CA10: variants seen among roughly 807,000 people sequenced by gnomAD.
CA10 encodes carbonic anhydrase 10 (inactive).
A neutral mutation model predicts 44.2 loss-of-function variants in CA10; 14 were observed. That is an observed-to-expected ratio of 0.32 (90% CI 0.21 to 0.50). The LOEUF (loss-of-function observed/expected upper bound fraction) is 0.50, where lower values mean the gene tolerates loss of function less well. Ranked by LOEUF, CA10 falls within the 20% of genes least tolerant of loss-of-function variation. The pLI, the probability that CA10 is intolerant of heterozygous loss-of-function variation, is 0.99. For synonymous variants in CA10, 159 were observed against 141.6 expected, an observed-to-expected ratio of 1.12 and a Z score of -0.87; for missense variants, 350 against 409.7, an observed-to-expected ratio of 0.85 and a Z score of 1.26.
Position 52,158,291 on chromosome 17 carries a change from G to A in CA10, c.-505C>T. ...GCTGGCTAAGCCCAGGCAGTCCGCG[G>A]CAAGTTGCCCTCGAAGTCCGCCCCC... On this transcript the variant is annotated 5_prime_UTR_variant, in exon 1 of 9. Coordinates refer to ENST00000451037, the MANE Select transcript of CA10 (RefSeq NM_020178.5). The A allele has an allele frequency of 4.9e-6, 1 of 205,988 alleles. No individual in the cohort carries two copies. Among genetic ancestry groups the A allele is most frequent in the Non-Finnish European group, 9.9e-6 (1 of 100,760 alleles). The allele number at this position is 205,988 out of a possible 1,614,324, so 12.8% of individuals were successfully genotyped here.
intron 2 of CA10, among the ~76,000 whole-genome samples, chr17:52,068,915 AT>A (rs563002172): frequency 8.5e-4 from 130 of 152,260 alleles, no homozygotes; most frequent in African/African-American, 3.0e-3. Context: ...ACAGTGAGAG[AT>A]TTATTTAAGA....
chr17:52,137,636 G>A (rs761260412), intron 1 of CA10, among the ~76,000 whole-genome samples: 1 of 152,006 alleles, frequency 6.6e-6, no homozygotes, highest in African/African-American at 2.4e-5. Flanking sequence ...CACAGTGCTT[G>A]GCACTCAGCT....
rs372533046 is a variant in CA10 at position 52,026,160 on chromosome 17, G to A, written c.136+46159C>T. Among the ~76,000 whole-genome samples the A allele has an allele frequency of 2.0e-4, 31 of 152,234 alleles. 2 individuals carry two copies. The South Asian group carries it at 6.2e-3, about 31-fold the overall frequency. ...TGTCCCAGTGAAGACAGAGGAAATT[G>A]TCTAAGAAAGCCAAAGGGTCTTCCA... On this transcript the variant is annotated intron_variant, in intron 2 of 8. Transcript: ENST00000451037.
intron 3 of CA10, among the ~76,000 whole-genome samples, chr17:51,916,294 C>T (rs1653551642): frequency 6.6e-6 from 1 of 152,182 alleles, no homozygotes; most frequent in Non-Finnish European, 1.5e-5. Flanking sequence ...TATATGCCAT[C>T]CTTATCATTG....
At chr17:51,731,827 A>G (rs1199627678) in intron 4 of CA10, among the ~76,000 whole-genome samples, 1 of 151,808 alleles carries the variant, frequency 6.6e-6, no homozygotes, top group Non-Finnish European at 1.5e-5. Context: ...ACAGACACCC[A>G]CCACCACACC....
At chr17:51,980,407 T>C (rs1271428058) in intron 2 of CA10, among the ~76,000 whole-genome samples, 4 of 152,122 alleles carry the variant, frequency 2.6e-5, no homozygotes, top group Non-Finnish European at 5.9e-5. Context: ...AAGTTCCTTA[T>C]ATATATTGGG....
At chr17:51,708,491 T>C (rs564560363) in intron 4 of CA10, among the ~76,000 whole-genome samples, 10 of 152,224 alleles carry the variant, frequency 6.6e-5, no homozygotes, top group Non-Finnish European at 1.5e-4. Flanking sequence ...TTTCCCCAGG[T>C]GTGCTGAGTG....
chr17:51,906,052 G>C (rs1200867100), intron 3 of CA10, among the ~76,000 whole-genome samples: 1 of 152,082 alleles, frequency 6.6e-6, no homozygotes, highest in African/African-American at 2.4e-5. Context: ...CACCTACAGA[G>C]ACTCTGTCTT....
chr17:51,836,554 A>T (rs529546789), intron 3 of CA10, among the ~76,000 whole-genome samples: 202 of 152,200 alleles, frequency 1.3e-3, no homozygotes, highest in African/African-American at 4.6e-3. Context: ...TCTTTCCCCC[A>T]CTCGCCTGTG....
intron 4 of CA10, among the ~76,000 whole-genome samples, chr17:51,687,619 T>C (rs1271501839): frequency 6.6e-6 from 1 of 152,214 alleles, no homozygotes; most frequent in African/African-American, 2.4e-5. Context: ...GTCAAGTTTT[T>C]GTCAATCCAT....
At chr17:52,089,055 G>T (rs189172810) in intron 1 of CA10, among the ~76,000 whole-genome samples, 3 of 152,204 alleles carry the variant, frequency 2.0e-5, no homozygotes, top group African/African-American at 7.2e-5. Context: ...ACTTCCTTTG[G>T]AACAGGCAGG....
At chr17:51,908,816 G>A (rs1266374788) in intron 3 of CA10, among the ~76,000 whole-genome samples, 2 of 152,152 alleles carry the variant, frequency 1.3e-5, no homozygotes, top group Non-Finnish European at 2.9e-5. Flanking sequence ...ATATTCCAGT[G>A]ATGTATTTAG....
intron 1 of CA10, among the ~76,000 whole-genome samples, chr17:52,135,547 T>C (rs557355773): frequency 1.4e-4 from 21 of 152,194 alleles, no homozygotes; most frequent in Non-Finnish European, 2.4e-4. Flanking sequence ...TTATTAAATA[T>C]GTATATTTGG....
chr17:51,744,862 T>C (rs915899340), intron 4 of CA10, among the ~76,000 whole-genome samples: 4 of 152,182 alleles, frequency 2.6e-5, no homozygotes, highest in Non-Finnish European at 5.9e-5. Context: ...TCGCACTACT[T>C]TGCATATAGC....
At chr17:52,095,347 T>TG (rs1201722104) in intron 1 of CA10, among the ~76,000 whole-genome samples, 1 of 152,086 alleles carries the variant, frequency 6.6e-6, no homozygotes, top group East Asian at 1.9e-4. Context: ...TGGGAAGGGA[T>TG]GGGGGTGAAC....
intron 2 of CA10, among the ~76,000 whole-genome samples, chr17:52,040,622 A>C (rs1986742363): frequency 6.6e-6 from 1 of 152,038 alleles, no homozygotes; most frequent in African/African-American, 2.4e-5. Context: ...AAACAAGATG[A>C]CCCTTATAAA....
At position 51,631,426 on chromosome 17, in the gene CA10, G is replaced by A; in HGVS notation, c.*158C>T. ...TGTGAGAGATGTATTCCTCTGCCATGGTTTTGCAGACACTTTTCATGAAGA... is the reference window on the plus strand; with the variant it reads ...TGTGAGAGATGTATTCCTCTGCCATAGTTTTGCAGACACTTTTCATGAAGA... On this transcript the variant is annotated 3_prime_UTR_variant, in exon 9 of 9. Transcript: ENST00000451037. 1 of 728,642 alleles carries A rather than the reference G, an allele frequency of 1.4e-6. No homozygotes were observed. The highest frequency in any genetic ancestry group is 2.5e-6 in the Non-Finnish European group (1 of 405,284). The allele number at this position is 728,642 out of a possible 1,614,324, so 45.1% of individuals were successfully genotyped here.
chr17:51,645,421 ACTGTGTCC>A (rs1282858752), intron 6 of CA10, among the ~76,000 whole-genome samples: 5 of 152,182 alleles, frequency 3.3e-5, no homozygotes, highest in Non-Finnish European at 1.5e-5. Flanking sequence ...TGGCAATGTC[ACTGTGTCC>A]CTCTGAATGA....
At chr17:51,774,138 A>G (rs762980544) in intron 3 of CA10, among the ~76,000 whole-genome samples, 1 of 152,180 alleles carries the variant, frequency 6.6e-6, no homozygotes, top group South Asian at 2.1e-4. Flanking sequence ...CAAAGTCATG[A>G]ATAATCACGT....
Sources: gnomAD v4.1 joint callset for allele counts (sites outside exome capture counted in the v4.1 genomes callset) on GRCh38, gnomAD v4.1.1 for gene constraint, MANE v1.5 for transcripts, NCBI Gene and HGNC (gene_info 2026-07-23, HGNC 2026-07-21) for gene names.